Variants in NFIL3 observed in about 807,000 individuals in gnomAD.
NFIL3 encodes nuclear factor, interleukin 3 regulated, also known as nuclear factor interleukin-3-regulated protein.
In NFIL3, 5 loss-of-function variants were observed where a neutral mutation model predicts 10.0. The observed-to-expected ratio is 0.50, with a 90% CI of 0.26 to 1.06. NFIL3 has a LOEUF of 1.06. NFIL3 is among the 50% of genes least tolerant of loss of function. The probability of loss-of-function intolerance (pLI) is 0.13; values close to 1 mark genes in which losing one functional copy is unlikely to be tolerated. For synonymous variants in NFIL3, 202 were observed against 206.5 expected (o/e 0.98, Z 0.19); for missense variants, 436 against 547.6 (o/e 0.80, Z 2.03).
At chr9:91,481,353 A>T in the NFIL3 span, among the ~76,000 whole-genome samples, 1 of 152,178 alleles carries the variant, frequency 6.6e-6, no homozygotes, top group African/African-American at 2.4e-5. Context: ...CACTTATAAA[A>T]ATATAAATAG....
chr9:91,448,339 C>G, the NFIL3 span, among the ~76,000 whole-genome samples: 1 of 152,178 alleles, frequency 6.6e-6, no homozygotes, highest in East Asian at 1.9e-4. Context: ...CATACTGCTT[C>G]CATCCATGAC....
the NFIL3 span, among the ~76,000 whole-genome samples, chr9:91,471,213 G>T: frequency 2.0e-5 from 3 of 152,200 alleles, no homozygotes; most frequent in East Asian, 5.8e-4. Flanking sequence ...CCTGTGTTGG[G>T]TGCATATATA....
chr9:91,412,870 A>G (rs1833581300), intron 1 of NFIL3, among the ~76,000 whole-genome samples: 1 of 152,002 alleles, frequency 6.6e-6, no homozygotes, highest in African/African-American at 2.4e-5. Flanking sequence ...AAAAAAAAAA[A>G]AGATGTAATG....
At chr9:91,433,185 A>G in the NFIL3 span, among the ~76,000 whole-genome samples, 1 of 152,240 alleles carries the variant, frequency 6.6e-6, no homozygotes, top group Non-Finnish European at 1.5e-5. Flanking sequence ...GTAGCTGGAC[A>G]AGATGTTAAT....
the NFIL3 span, among the ~76,000 whole-genome samples, chr9:91,479,649 G>A: frequency 2.0e-5 from 3 of 152,202 alleles, no homozygotes; most frequent in African/African-American, 7.2e-5. Flanking sequence ...TTCCAGGGGA[G>A]TGAACAGTTC....
At chr9:91,472,654 C>G in the NFIL3 span, among the ~76,000 whole-genome samples, 2 of 152,144 alleles carry the variant, frequency 1.3e-5, no homozygotes, top group African/African-American at 4.8e-5. Context: ...TTCAAACATC[C>G]TCCTTTAGCT....
chr9:91,424,379 C>T (rs1833840915), upstream of NFIL3, among the ~76,000 whole-genome samples: 2 of 152,310 alleles, frequency 1.3e-5, no homozygotes, highest in Admixed American at 6.5e-5. Flanking sequence ...GCCTCCCCTT[C>T]CCCGCACACT....
At chr9:91,433,821 G>T in the NFIL3 span, among the ~76,000 whole-genome samples, 17 of 152,108 alleles carry the variant, frequency 1.1e-4, no homozygotes, top group African/African-American at 3.1e-4. Context: ...TTAGCTCTTA[G>T]TATTTTAGTT....
chr9:91,479,765 C>T, the NFIL3 span, among the ~76,000 whole-genome samples: 14 of 152,326 alleles, frequency 9.2e-5, no homozygotes, highest in Admixed American at 8.5e-4. Context: ...GTGCTTGAAA[C>T]CCAGGGCCCT....
At chr9:91,439,463 G>A in the NFIL3 span, among the ~76,000 whole-genome samples, 1 of 151,348 alleles carries the variant, frequency 6.6e-6, no homozygotes, top group Non-Finnish European at 1.5e-5. Flanking sequence ...CTGCAAAATA[G>A]AGATACTTTT....
chr9:91,460,591 AAT>A, the NFIL3 span, among the ~76,000 whole-genome samples: 2 of 152,068 alleles, frequency 1.3e-5, no homozygotes, highest in South Asian at 2.1e-4. Context: ...GTTTGTTCTT[AAT>A]AGACAACTTG....
At chr9:91,437,947 G>A in the NFIL3 span, among the ~76,000 whole-genome samples, 2 of 152,268 alleles carry the variant, frequency 1.3e-5, no homozygotes, top group Admixed American at 1.3e-4. Context: ...CTTGGCTATT[G>A]TGGGTAGTGC....
the NFIL3 span, among the ~76,000 whole-genome samples, chr9:91,447,454 C>T: frequency 6.6e-6 from 1 of 152,194 alleles, no homozygotes; most frequent in Non-Finnish European, 1.5e-5. Context: ...ATGCCAATGA[C>T]ACACAAGAGT....
upstream of NFIL3, among the ~76,000 whole-genome samples, chr9:91,427,619 T>TTTGTTG (rs139394510): frequency 3.3e-5 from 5 of 150,128 alleles, no homozygotes; most frequent in African/African-American, 4.9e-5. Flanking sequence ...GCATACCGTT[T>TTTGTTG]TTGTTGTTGT....
At chr9:91,419,542 TG>T (rs1833719029) in intron 1 of NFIL3, among the ~76,000 whole-genome samples, 2 of 152,208 alleles carry the variant, frequency 1.3e-5, no homozygotes, top group Admixed American at 1.3e-4. Context: ...AAAACTACAG[TG>T]AGTGTGAGAA....
chr9:91,437,369 T>C, the NFIL3 span, among the ~76,000 whole-genome samples: 1 of 152,208 alleles, frequency 6.6e-6, no homozygotes, highest in African/African-American at 2.4e-5. Flanking sequence ...CTGTTGACCA[T>C]TTTTAAGAAA....
At chr9:91,480,270 G>A in the NFIL3 span, among the ~76,000 whole-genome samples, 1 of 151,908 alleles carries the variant, frequency 6.6e-6, no homozygotes, top group African/African-American at 2.4e-5. Flanking sequence ...AAAAGTTCAG[G>A]AAGCACAAGA....
chr9:91,443,832 C>A, the NFIL3 span, among the ~76,000 whole-genome samples: 1 of 152,222 alleles, frequency 6.6e-6, no homozygotes, highest in Middle Eastern at 3.2e-3. Flanking sequence ...TGCAGCTGGT[C>A]TCTTAGCGGC....
At chr9:91,454,117 C>A in the NFIL3 span, among the ~76,000 whole-genome samples, 5 of 151,610 alleles carry the variant, frequency 3.3e-5, no homozygotes, top group African/African-American at 7.3e-5. Context: ...GCCTGTAGTC[C>A]CAGCTACTCA....
Sources: gnomAD v4.1 joint callset for allele counts (sites outside exome capture counted in the v4.1 genomes callset) on GRCh38, gnomAD v4.1.1 for gene constraint, MANE v1.5 for transcripts, NCBI Gene and HGNC (gene_info 2026-07-23, HGNC 2026-07-21) for gene names.